SDCCAG8: variants seen among roughly 807,000 people sequenced by gnomAD.
SDCCAG8 encodes serologically defined colon cancer antigen 8.
In SDCCAG8, 74 loss-of-function variants were observed where a neutral mutation model predicts 101.8. That is an observed-to-expected ratio of 0.73 (90% CI 0.60 to 0.88). SDCCAG8 has a LOEUF of 0.88. Ranked by LOEUF, SDCCAG8 falls within the 40% of genes least tolerant of loss-of-function variation. The pLI, the probability that SDCCAG8 is intolerant of heterozygous loss-of-function variation, is 0.00. For synonymous variants in SDCCAG8, 281 were observed against 292.9 expected, an observed-to-expected ratio of 0.96 and a Z score of 0.41; for missense variants, 787 against 822.6, an observed-to-expected ratio of 0.96 and a Z score of 0.53.
intron 16 of SDCCAG8, among the ~76,000 whole-genome samples, chr1:243,431,380 G>A (rs943684322): frequency 6.6e-6 from 1 of 152,092 alleles, no homozygotes; most frequent in African/African-American, 2.4e-5. Flanking sequence ...TGTCAAGGAC[G>A]ACACCCATAT....
At chr1:243,307,966 G>T in intron 7 of SDCCAG8, 23 bp from the exon 8 acceptor site, 1 of 1,612,340 alleles carries the variant, frequency 6.2e-7, no homozygotes, top group East Asian at 2.2e-5. Flanking sequence ...CCATTTTCTA[G>T]AATTTTTTCA....
chr1:243,276,779 G>A (rs568545969), intron 4 of SDCCAG8, among the ~76,000 whole-genome samples: 28 of 152,096 alleles, frequency 1.8e-4, no homozygotes, highest in African/African-American at 6.0e-4. Flanking sequence ...ATCCTCTTGC[G>A]CTTCACTTAT....
intron 12 of SDCCAG8, among the ~76,000 whole-genome samples, chr1:243,356,901 G>C (rs1241479948): frequency 8.5e-5 from 13 of 152,164 alleles, no homozygotes. Flanking sequence ...GGGAGGCTGA[G>C]GTGGGAGGAT....
At chr1:243,423,281 A>T (rs2081132927) in intron 15 of SDCCAG8, among the ~76,000 whole-genome samples, 1 of 152,100 alleles carries the variant, frequency 6.6e-6, no homozygotes. Flanking sequence ...TACAAAGAAG[A>T]ATTAAGGAAA....
chr1:243,462,482 C>T (rs577243096), intron 16 of SDCCAG8, among the ~76,000 whole-genome samples: 1 of 152,352 alleles, frequency 6.6e-6, no homozygotes, highest in African/African-American at 2.4e-5. Flanking sequence ...ACATCCTTTT[C>T]ACAAATGTCA....
Position 243,392,920 on chromosome 1 carries a change from T to A in SDCCAG8, c.1616+14057T>A, listed in dbSNP as rs1049926089. On this transcript the variant is annotated intron_variant, in intron 13 of 17. Transcript: ENST00000366541. ...CTTCTTTGGCATGCTTTCATACTTA[T>A]CTTCCAAATTAAAGAAAATGAAATG... Among the ~76,000 whole-genome samples the A allele has an allele frequency of 1.3e-5, 2 of 152,352 alleles. 1 individual carries two copies. The highest frequency in any genetic ancestry group is 3.9e-4 in the East Asian group (2 of 5,182).
intron 16 of SDCCAG8, among the ~76,000 whole-genome samples, chr1:243,450,653 G>A (rs893813439): frequency 6.6e-6 from 1 of 152,016 alleles, no homozygotes; most frequent in African/African-American, 2.4e-5. Flanking sequence ...TATATAACCT[G>A]GTTTTGTTTG....
rs531152514 is a variant in SDCCAG8, at chr1:243,476,999, T to TACACAC, written c.1986-11985_1986-11980dup. Among the ~76,000 whole-genome samples the TACACAC allele has an allele frequency of 7.0e-3, 716 of 102,292 alleles. 9 individuals carry two copies. Among genetic ancestry groups the TACACAC allele is most frequent in the African/African-American group, 0.02 (647 of 31,616 alleles). 67.1% of individuals were successfully genotyped at this position (102,292 alleles called of 152,430 possible). On this transcript the variant is annotated intron_variant, in intron 16 of 17. Transcript: ENST00000366541. ...TGCAGCTTACTGTCAACTGGTTCTGTACACACACACACACACACACACACA... is the reference window on the plus strand; with the variant it reads ...TGCAGCTTACTGTCAACTGGTTCTGTACACACACACACACACACACACACACACACA...
intron 16 of SDCCAG8, among the ~76,000 whole-genome samples, chr1:243,445,905 C>A (rs2082869788): frequency 6.6e-6 from 1 of 152,116 alleles, no homozygotes; most frequent in South Asian, 2.1e-4. Context: ...CTTTTTTTAA[C>A]AATCATACTT....
chr1:243,443,689 G>A (rs1345066634), intron 16 of SDCCAG8, among the ~76,000 whole-genome samples: 2 of 152,134 alleles, frequency 1.3e-5, no homozygotes, highest in Non-Finnish European at 2.9e-5. Context: ...TGACAAGATC[G>A]AAAACAAATC....
At chr1:243,473,919 C>CG (rs1460893006) in intron 16 of SDCCAG8, among the ~76,000 whole-genome samples, 53 of 3,390 alleles carry the variant, frequency 0.016, 6 homozygotes, top group Non-Finnish European at 0.017. Flanking sequence ...GGAGAGTTGC[C>CG]GGCGGGGGGG....
rs541735517 is a variant in SDCCAG8, at chr1:243,318,513, T to G, written c.1068+1620T>G. The G allele has an allele frequency of 1.4e-5, 14 of 971,578 alleles. No homozygotes were observed. In the African/African-American group the frequency reaches 1.8e-4, roughly 12 times the overall value. 60.2% of individuals were successfully genotyped at this position (971,578 alleles called of 1,614,324 possible). A position where few individuals can be genotyped will look rare whatever the true frequency, so the allele number is the denominator to read the frequency against. On this transcript the variant is annotated intron_variant, in intron 9 of 17. Coordinates refer to ENST00000366541, the MANE Select transcript of SDCCAG8 (RefSeq NM_006642.5). Reference sequence around the variant, plus strand: ...GTACCCCCGAACCTAAAATAAAAGTTAAAAAAAAATTAGGGCTATTCAATT... The same window carrying G: ...GTACCCCCGAACCTAAAATAAAAGTGAAAAAAAAATTAGGGCTATTCAATT...
rs111695090 is a variant in SDCCAG8, at chr1:243,382,188, A to G, written c.1616+3325A>G. On this transcript the variant is annotated intron_variant, in intron 13 of 17. Coordinates refer to ENST00000366541, the MANE Select transcript of SDCCAG8 (RefSeq NM_006642.5). Reference sequence around the variant, plus strand: ...ATGGGCCATCTCCGGAGTTTCGCCCATTCTGAGTTACTCTTAATGCATTTT... The same window carrying G: ...ATGGGCCATCTCCGGAGTTTCGCCCGTTCTGAGTTACTCTTAATGCATTTT... 7.6e-4 allele frequency among the ~76,000 whole-genome samples: 116 copies of G among 152,338 alleles called. 1 individual carries two copies. The highest frequency in any genetic ancestry group is 2.6e-3 in the African/African-American group (110 of 41,582).
chr1:243,316,698 A>G, intron 8 of SDCCAG8, 57 bp from the exon 9 acceptor site: 1 of 1,607,432 alleles, frequency 6.2e-7, no homozygotes, highest in Non-Finnish European at 8.5e-7. Flanking sequence ...TCCCTGACTT[A>G]TGAGGACAGG....
intron 6 of SDCCAG8, among the ~76,000 whole-genome samples, chr1:243,302,498 G>A (rs1280435885): frequency 2.0e-5 from 3 of 152,098 alleles, no homozygotes; most frequent in South Asian, 4.1e-4. Flanking sequence ...CCTAACTCAC[G>A]AGACTTGAAG....
intron 16 of SDCCAG8, chr1:243,488,442 GGA>G: frequency 1.8e-5 from 3 of 162,294 alleles, no homozygotes; most frequent in South Asian, 1.7e-4. Context: ...GCTGGCTGTA[GGA>G]AGCCGACTGT....
At chr1:243,271,103 G>A (rs2068047255) in intron 3 of SDCCAG8, 40 bp downstream of exon 3, 6 of 1,386,034 alleles carry the variant, frequency 4.3e-6, no homozygotes, top group Non-Finnish European at 6.2e-6. Context: ...GCATTCCTGT[G>A]TTTTACTGTA....
intron 6 of SDCCAG8, among the ~76,000 whole-genome samples, chr1:243,295,820 C>T (rs2070814359): frequency 6.6e-6 from 1 of 151,964 alleles, no homozygotes; most frequent in African/African-American, 2.4e-5. Flanking sequence ...TTTATGCCTC[C>T]CCCTAGCACT....
chr1:243,269,555 A>G (rs933564038), intron 1 of SDCCAG8, among the ~76,000 whole-genome samples: 1 of 151,954 alleles, frequency 6.6e-6, no homozygotes, highest in Non-Finnish European at 1.5e-5. Context: ...GGCTGCCACT[A>G]TAAGCACTTC....
Sources: allele counts gnomAD v4.1 joint callset (sites outside exome capture counted in the v4.1 genomes callset), GRCh38; gene constraint gnomAD v4.1.1; transcripts MANE v1.5; gene names NCBI Gene and HGNC (gene_info 2026-07-23, HGNC 2026-07-21).